The following TYW1 variants were observed in gnomAD, a reference collection of about 807,000 sequenced individuals.
TYW1 encodes the protein tRNA-yW synthesizing protein 1 homolog, also known as S-adenosyl-L-methionine-dependent tRNA 4-demethylwyosine synthase TYW1.
TYW1 carries 46 observed loss-of-function variants against 96.2 expected under a neutral mutation model. That is an observed-to-expected ratio of 0.48 (90% CI 0.38 to 0.61). The LOEUF (loss-of-function observed/expected upper bound fraction) is 0.61, where lower values mean the gene tolerates loss of function less well. Ranked by LOEUF, TYW1 falls within the 20% of genes least tolerant of loss-of-function variation. The pLI is 0.00. For synonymous variants in TYW1, 274 were observed against 323.0 expected, an observed-to-expected ratio of 0.85 and a Z score of 1.63; for missense variants, 684 against 909.6, an observed-to-expected ratio of 0.75 and a Z score of 3.19.
chr7:67,011,187 A>G (rs1343413510), intron 4 of TYW1, among the ~76,000 whole-genome samples: 2 of 152,016 alleles, frequency 1.3e-5, no homozygotes, highest in Admixed American at 1.3e-4. Flanking sequence ...ACAGGTGCCC[A>G]CCACCATGCC....
chr7:67,181,362 G>A (rs866542823), intron 13 of TYW1, among the ~76,000 whole-genome samples: 8 of 151,572 alleles, frequency 5.3e-5, no homozygotes, highest in African/African-American at 1.9e-4. Flanking sequence ...TATGTAAAGG[G>A]AATCTGGAAG....
chr7:67,014,335 T>A, intron 4 of TYW1, 32 bp from the exon 5 acceptor site: 1 of 1,563,334 alleles, frequency 6.4e-7, no homozygotes, highest in Non-Finnish European at 8.7e-7. Context: ...ATGCCTTGTA[T>A]GTTCCACTGA....
chr7:67,210,168 C>CT (rs1442231656), intron 15 of TYW1, among the ~76,000 whole-genome samples: 1 of 152,132 alleles, frequency 6.6e-6, no homozygotes, highest in Non-Finnish European at 1.5e-5. Flanking sequence ...AGTTCTCAGA[C>CT]TTTCCTTATT....
intron 8 of TYW1, among the ~76,000 whole-genome samples, chr7:67,050,380 G>T (rs1795316848): frequency 6.6e-6 from 1 of 152,158 alleles, no homozygotes; most frequent in African/African-American, 2.4e-5. Flanking sequence ...TTAATTAGAA[G>T]TGTTTATGTA....
At chr7:67,105,050 T>C (rs1233936622) in intron 12 of TYW1, among the ~76,000 whole-genome samples, 1 of 152,240 alleles carries the variant, frequency 6.6e-6, no homozygotes, top group African/African-American at 2.4e-5. Context: ...TGCTGCACTT[T>C]ATCACAGGGT....
intron 7 of TYW1, among the ~76,000 whole-genome samples, chr7:67,028,455 A>G (rs1424432460): frequency 1.3e-5 from 2 of 152,212 alleles, no homozygotes; most frequent in African/African-American, 4.8e-5. Flanking sequence ...CCTAGTAGAA[A>G]AAGTTGGCAA....
chr7:67,100,578 G>T (rs928894411), intron 12 of TYW1, among the ~76,000 whole-genome samples: 3 of 152,094 alleles, frequency 2.0e-5, no homozygotes, highest in Non-Finnish European at 4.4e-5. Context: ...AGGGCGTGGT[G>T]ACTCACGCCT....
rs1801986868 is a variant in TYW1, at chr7:67,239,241, G to A, written c.*712G>A. On this transcript the variant is annotated 3_prime_UTR_variant, in exon 16 of 16. Coordinates refer to ENST00000359626, the MANE Select transcript of TYW1 (RefSeq NM_018264.4). ...AGGAGTGGCCATGTGAGGGCATGGA[G>A]TCATTAGTCTCACAAACACACTTTG... 1 of 985,326 alleles carries A rather than the reference G, an allele frequency of 1.0e-6. No homozygotes were observed. The highest frequency in any genetic ancestry group is 1.7e-5 in the African/African-American group (1 of 57,242). The allele number at this position is 985,326 out of a possible 1,614,324, so 61.0% of individuals were successfully genotyped here.
chr7:67,204,556 TCTTCTTTCTTCTTCCTTCTTC>T (rs1800712660), intron 15 of TYW1, among the ~76,000 whole-genome samples: 1 of 123,674 alleles, frequency 8.1e-6, no homozygotes, highest in African/African-American at 3.6e-5. Flanking sequence ...TTCTTCTTCT[TCTTCTTTCTTCTTCCTTCTTC>T]CTTCTTTCTT....
At chr7:67,110,047 G>A (rs1001042027) in intron 12 of TYW1, among the ~76,000 whole-genome samples, 5 of 152,100 alleles carry the variant, frequency 3.3e-5, no homozygotes, top group African/African-American at 9.7e-5. Context: ...TTCTCTCACA[G>A]GGGTTGTCTT....
chr7:67,112,696 A>G (rs1797463149), intron 12 of TYW1, among the ~76,000 whole-genome samples: 1 of 152,154 alleles, frequency 6.6e-6, no homozygotes, highest in Non-Finnish European at 1.5e-5. Flanking sequence ...CGAGGTAAGT[A>G]TGTCTCCCAA....
intron 7 of TYW1, among the ~76,000 whole-genome samples, chr7:67,028,881 A>G (rs1346164585): frequency 6.6e-6 from 1 of 152,230 alleles, no homozygotes; most frequent in Non-Finnish European, 1.5e-5. Context: ...TGGTTGAAAA[A>G]AGCATGGTAT....
intron 10 of TYW1, among the ~76,000 whole-genome samples, chr7:67,073,115 C>T (rs1466285232): frequency 2.0e-5 from 3 of 151,702 alleles, no homozygotes; most frequent in East Asian, 1.9e-4. Context: ...TTAGTTATCT[C>T]GAGATGTGGT....
chr7:67,017,541 TATC>T (rs1308797579), intron 5 of TYW1, among the ~76,000 whole-genome samples: 2 of 152,342 alleles, frequency 1.3e-5, no homozygotes, highest in African/African-American at 4.8e-5. Flanking sequence ...GTTTTGTTCT[TATC>T]ATGATATAGA....
chr7:67,033,589 G>A (rs12534892), intron 7 of TYW1, among the ~76,000 whole-genome samples: 46,149 of 152,058 alleles, frequency 0.3, 7,299 homozygotes, highest in East Asian at 0.53. Flanking sequence ...TTTTGAGGGA[G>A]TGGAGAGAAC....
chr7:67,117,055 C>T (rs777748846), intron 12 of TYW1, among the ~76,000 whole-genome samples: 1 of 152,080 alleles, frequency 6.6e-6, no homozygotes, highest in Non-Finnish European at 1.5e-5. Flanking sequence ...AGAAGACTTC[C>T]GTCAGTGATT....
rs565859732 is a variant in TYW1 at position 67,230,828 on chromosome 7, C to T, written c.1978-7480C>T. ...CCAGTTTTTGTATTTTTAGTAGAGGCGGGGTTTCACCTTGTTGGCCAGGCT... is the reference window on the plus strand; with the variant it reads ...CCAGTTTTTGTATTTTTAGTAGAGGTGGGGTTTCACCTTGTTGGCCAGGCT... On this transcript the variant is annotated intron_variant, in intron 15 of 15. Transcript: ENST00000359626. Among the ~76,000 whole-genome samples, 7 of 151,614 alleles carry T rather than the reference C, an allele frequency of 4.6e-5. No individual in the cohort carries two copies. In the South Asian group the frequency reaches 6.3e-4, roughly 14 times the overall value.
At position 67,210,108 on chromosome 7, in the gene TYW1, A is replaced by T. The variant is rs541515730; in HGVS notation, c.1977+14771A>T. Among the ~76,000 whole-genome samples the T allele has an allele frequency of 9.2e-5, 14 of 152,102 alleles. No individual in the cohort carries two copies. The East Asian group carries it at 2.1e-3, about 23-fold the overall frequency. ...CCTAATGTCCTTTTTCTGTTCTAGGATCCCATTACATTTAGTTGTCAATTC... is the reference window on the plus strand; with the variant it reads ...CCTAATGTCCTTTTTCTGTTCTAGGTTCCCATTACATTTAGTTGTCAATTC... On this transcript the variant is annotated intron_variant, in intron 15 of 15. Coordinates refer to ENST00000359626, the MANE Select transcript of TYW1 (RefSeq NM_018264.4).
rs548960561 is a variant in TYW1, at chr7:67,102,722, G to T, written c.1562+4004G>T. Among the ~76,000 whole-genome samples the T allele has an allele frequency of 1.2e-3, 176 of 152,192 alleles. 1 individual carries two copies. Among genetic ancestry groups the T allele is most frequent in the African/African-American group, 4.1e-3 (170 of 41,528 alleles). ...GCTAGAGTGCAGTGGCGCCATCTCG[G>T]CTCACTACAAGCTCCGCCTCCAGGG... is the stretch of plus-strand genomic sequence containing the variant. On this transcript the variant is annotated intron_variant, in intron 12 of 15. Transcript: ENST00000359626.
Sources: gnomAD v4.1 joint callset for allele counts (sites outside exome capture counted in the v4.1 genomes callset) on GRCh38, gnomAD v4.1.1 for gene constraint, MANE v1.5 for transcripts, NCBI Gene and HGNC (gene_info 2026-07-23, HGNC 2026-07-21) for gene names.